Variants in ADGRG4 observed in about 807,000 individuals in gnomAD.
The protein encoded by ADGRG4 is G protein-coupled receptor 112.
Under a neutral mutation model 126.2 loss-of-function variants are expected in ADGRG4, and 122 were observed. The ratio of observed to expected loss-of-function variants is 0.97; its 90% CI spans 0.83 to 1.12. The LOEUF is 1.12. Among genes scored for constraint, ADGRG4 ranks in the 50% most tolerant of loss-of-function variants. ADGRG4 has a pLI of 0.00. For synonymous variants in ADGRG4, 943 were observed against 838.7 expected, an observed-to-expected ratio of 1.12 and a Z score of -2.15; for missense variants, 2,481 against 2,251.8, an observed-to-expected ratio of 1.10 and a Z score of -2.06.
At chrX:136,350,539 AG>A (rs2075055679) in intron 6 of ADGRG4, 106 bp downstream of exon 6, 5 of 787,413 alleles carry the variant, frequency 6.3e-6, no homozygotes, top group African/African-American at 2.1e-5. Context: ...AGAATGAAGA[AG>A]GGTGCAGGTG....
At chrX:136,352,323 T>A (rs989117353) in intron 7 of ADGRG4, among the ~76,000 whole-genome samples, 12 of 110,778 alleles carry the variant, frequency 1.1e-4, no homozygotes, top group Admixed American at 6.7e-4. Context: ...GTTTTTTTTT[T>A]AAATCCTTTG....
intron 17 of ADGRG4, among the ~76,000 whole-genome samples, chrX:136,392,801 A>G (rs1466215435): frequency 8.9e-6 from 1 of 112,204 alleles, no homozygotes; most frequent in African/African-American, 3.2e-5. Flanking sequence ...ACTTTAGCCT[A>G]AGTACAAGTA....
Position 136,411,068 on chromosome X carries a change from T to A in ADGRG4, c.8936-1197T>A, listed in dbSNP as rs1473740800. Among the ~76,000 whole-genome samples the A allele has an allele frequency of 1.8e-5, 2 of 111,802 alleles. 1 individual carries two copies. Among genetic ancestry groups the A allele is most frequent in the East Asian group, 5.6e-4 (2 of 3,574 alleles). ...AGGGAATTTGCAATCAAGATAATTT[T>A]TTTTTTAAGACAGAGTCTTGCTCTA... On this transcript the variant is annotated intron_variant, in intron 23 of 25. Coordinates refer to ENST00000394143, the MANE Select transcript of ADGRG4 (RefSeq NM_153834.4).
At chrX:136,342,879 AGTGTGTGTGTGTGTGT>A (rs58303622) in intron 5 of ADGRG4, among the ~76,000 whole-genome samples, 4 of 87,378 alleles carry the variant, frequency 4.6e-5, no homozygotes, top group Non-Finnish European at 6.7e-5. Context: ...AAGAGAGCTC[AGTGTGTGTGTGTGTGT>A]GTGTGTGTGT....
chrX:136,377,232 A>C (rs1317712854), intron 15 of ADGRG4, among the ~76,000 whole-genome samples: 4 of 83,745 alleles, frequency 4.8e-5, no homozygotes, highest in Non-Finnish European at 8.5e-5. Context: ...TCGCTCTTTC[A>C]CCCAGACTGA....
At chrX:136,377,824 T>C (rs2075236828) in intron 15 of ADGRG4, among the ~76,000 whole-genome samples, 2 of 104,313 alleles carry the variant, frequency 1.9e-5, no homozygotes, top group South Asian at 4.2e-4. Context: ...TAAGGCTATT[T>C]CTGGACTTTC....
At chrX:136,382,114 T>C (rs1048095433) in intron 15 of ADGRG4, among the ~76,000 whole-genome samples, 4 of 111,115 alleles carry the variant, frequency 3.6e-5, no homozygotes, top group African/African-American at 1.3e-4. Flanking sequence ...CACAAGTCCA[T>C]CCCTTTTCAA....
Position 136,349,926 on chromosome X carries a change from A to T in ADGRG4, c.6220A>T (p.Thr2074Ser), listed in dbSNP as rs1286110482. Residue 2074 changes from threonine (T) to serine (S), a missense_variant, in exon 6 of 26, where the codon ACA (threonine) becomes TCA (serine). Transcript: ENST00000394143. Reference sequence around the variant, plus strand: ...CACCATACTCACCCGAACCATTCCTACACCTACACTGGGTGGTATCACTAC... The same window carrying T: ...CACCATACTCACCCGAACCATTCCTTCACCTACACTGGGTGGTATCACTAC... The part of the protein sequence containing the change: ...MSTILTRTIP[T>S]PTLGGITTGF... The T allele has an allele frequency of 8.3e-7, 1 of 1,210,501 alleles. No individual in the cohort carries two copies. Among genetic ancestry groups the T allele is most frequent in the East Asian group, 3.0e-5 (1 of 33,798 alleles).
intron 4 of ADGRG4, among the ~76,000 whole-genome samples, chrX:136,311,810 G>C (rs1308417531): frequency 9.0e-6 from 1 of 110,960 alleles, no homozygotes; most frequent in African/African-American, 3.3e-5. Flanking sequence ...AAAGGTGTTT[G>C]TGTAGCCAGG....
In ADGRG4 at chrX:136,345,760, C is replaced by T. The variant is rs765083628; in HGVS notation, c.2054C>T (p.Ala685Val). The change falls in exon 6 of 26, where the codon GCA becomes GTA. Residue 685 changes from alanine to valine, a missense_variant. Transcript: ENST00000394143. The part of the protein sequence containing the change: ...TFVPNENFTS[A>V]FHENTTYTEY... ...GTGCCTAATGAAAATTTTACATCAGCATTTCATGAGAATACTACTTATACA... is the reference window on the plus strand; with the variant it reads ...GTGCCTAATGAAAATTTTACATCAGTATTTCATGAGAATACTACTTATACA... 1.2e-4 allele frequency: 139 copies of T among 1,208,336 alleles called. No individual in the cohort carries two copies. Among genetic ancestry groups the T allele is most frequent in the Non-Finnish European group, 1.5e-4 (131 of 893,708 alleles).
At chrX:136,381,254 C>T (rs1291926212) in intron 15 of ADGRG4, among the ~76,000 whole-genome samples, 3 of 110,001 alleles carry the variant, frequency 2.7e-5, no homozygotes, top group Admixed American at 9.7e-5. Flanking sequence ...TCTAAGATAT[C>T]GTATTATTAT....
chrX:136,395,513 C>T lies in ADGRG4; in HGVS notation c.8184+20C>T, dbSNP rs181076743. 1 of 936,487 alleles carries T rather than the reference C, an allele frequency of 1.1e-6. No individual in the cohort carries two copies. Among genetic ancestry groups the T allele is most frequent in the African/African-American group, 1.9e-5 (1 of 52,294 alleles). The allele number at this position is 936,487 out of a possible 1,213,427, so 77.2% of individuals were successfully genotyped here. On this transcript the variant is annotated intron_variant, in intron 19 of 25. Transcript: ENST00000394143. ...TTAATGGTGAGTTGTCTCTTAGTCA[C>T]TCCTCGATGGAAGTTTGACAATTTT... is the stretch of plus-strand genomic sequence containing the variant.
intron 21 of ADGRG4, among the ~76,000 whole-genome samples, chrX:136,401,805 G>C (rs2075380954): frequency 8.9e-6 from 1 of 111,930 alleles, no homozygotes; most frequent in Non-Finnish European, 1.9e-5. Context: ...CTATTCTAAG[G>C]GGGCAGGGTA....
At chrX:136,344,144 T>C (rs1474900248) in intron 5 of ADGRG4, among the ~76,000 whole-genome samples, 1 of 111,458 alleles carries the variant, frequency 9.0e-6, no homozygotes, top group Non-Finnish European at 1.9e-5. Flanking sequence ...TTCAGGAATG[T>C]TTATATATTT....
At position 136,351,470 on chromosome X, in the gene ADGRG4, A is replaced by C. The variant is rs1269658695; in HGVS notation, c.6751A>C (p.Ser2251Arg). 2 of 1,151,653 alleles carry C rather than the reference A, an allele frequency of 1.7e-6. No individual in the cohort carries two copies. Among genetic ancestry groups the C allele is most frequent in the Non-Finnish European group, 2.3e-6 (2 of 855,734 alleles). 94.9% of individuals were successfully genotyped at this position (1,151,653 alleles called of 1,213,427 possible). A position where few individuals can be genotyped will look rare whatever the true frequency, so the allele number is the denominator to read the frequency against. ...AGTTTCCTTCTACAATGTTGAAATG[A>C]GCTTCTCTGTCTTTGTTGAAGAGCC... ...STVSFYNVEMSFSVFVEEPRI... is the reference protein window; with the variant it reads ...STVSFYNVEMRFSVFVEEPRI... Residue 2251 changes from serine to arginine, a missense_variant, in exon 7 of 26, where the codon AGC (serine) becomes CGC (arginine). Ser to Arg is a moderately radical substitution (Grantham distance 110). Coordinates refer to ENST00000394143, the MANE Select transcript of ADGRG4 (RefSeq NM_153834.4).
intron 5 of ADGRG4, among the ~76,000 whole-genome samples, chrX:136,332,708 T>C (rs1411067415): frequency 9.4e-6 from 1 of 106,179 alleles, no homozygotes; most frequent in Admixed American, 1.0e-4. Flanking sequence ...CTAACTGGTG[T>C]GAGATGGTAT....
At chrX:136,365,336 T>C (rs770926381) in intron 13 of ADGRG4, among the ~76,000 whole-genome samples, 3 of 111,854 alleles carry the variant, frequency 2.7e-5, no homozygotes, top group African/African-American at 6.5e-5. Flanking sequence ...TTTGTCTCTA[T>C]GAATTTTGCC....
chrX:136,394,434 A>G (rs2075335910), intron 18 of ADGRG4, among the ~76,000 whole-genome samples: 1 of 111,508 alleles, frequency 9.0e-6, no homozygotes, highest in African/African-American at 3.3e-5. Context: ...CTTTTTCACT[A>G]TCCTTGGAAT....
intron 5 of ADGRG4, among the ~76,000 whole-genome samples, chrX:136,339,977 G>A (rs1458935093): frequency 9.0e-6 from 1 of 111,444 alleles, no homozygotes; most frequent in African/African-American, 3.3e-5. Flanking sequence ...AGAAGGACAG[G>A]CATTAAATTC....
Sources: gnomAD v4.1 joint callset for allele counts (sites outside exome capture counted in the v4.1 genomes callset) on GRCh38, gnomAD v4.1.1 for gene constraint, MANE v1.5 for transcripts, NCBI Gene and HGNC (gene_info 2026-07-23, HGNC 2026-07-21) for gene names.